The following ING3 variants were observed in gnomAD, a reference collection of about 807,000 sequenced individuals.
The protein encoded by ING3 is inhibitor of growth protein 3.
A neutral mutation model predicts 64.8 loss-of-function variants in ING3; 6 were observed. The observed-to-expected ratio is 0.09, with a 90% CI of 0.05 to 0.18. ING3 has a LOEUF of 0.18. ING3 is among the 10% of genes least tolerant of loss of function. The pLI is 1.00. For missense variants in ING3, 310 were observed against 489.7 expected (o/e 0.63, Z 3.46); for synonymous variants, 170 against 173.7 (o/e 0.98, Z 0.17).
At chr7:120,966,460 C>G (rs143288228) in intron 5 of ING3, among the ~76,000 whole-genome samples, 166 bp from the exon 6 acceptor site, 27 of 152,272 alleles carry the variant, frequency 1.8e-4, no homozygotes, top group African/African-American at 6.3e-4. Flanking sequence ...GTGGGATGGA[C>G]AGTGGTGATC....
At chr7:120,966,515 A>G in intron 5 of ING3, 111 bp from the exon 6 acceptor site, 3 of 827,386 alleles carry the variant, frequency 3.6e-6, no homozygotes, top group South Asian at 2.7e-5. Flanking sequence ...ATGCATCAGA[A>G]CTTGCTAGTC....
At chr7:120,956,197 A>T in intron 4 of ING3, 1 of 1,608,544 alleles carries the variant, frequency 6.2e-7, no homozygotes, top group Non-Finnish European at 8.5e-7. Flanking sequence ...AAGAAGATAG[A>T]TAGAATATTC....
In ING3 at chr7:120,976,709, A is replaced by T. The variant is rs1227652784; in HGVS notation, c.*1865A>T. 1 of 152,226 alleles carries T rather than the reference A, an allele frequency of 6.6e-6. No individual in the cohort carries two copies. Among genetic ancestry groups the T allele is most frequent in the Non-Finnish European group, 1.5e-5 (1 of 68,040 alleles). 9.4% of individuals were successfully genotyped at this position (152,226 alleles called of 1,614,324 possible). On this transcript the variant is annotated 3_prime_UTR_variant, in exon 12 of 12. Coordinates refer to ENST00000315870, the MANE Select transcript of ING3 (RefSeq NM_019071.3). ...AAGCCTTATGTACAGCCTTATTTGA[A>T]GAGAAAGTTCTTTGTCTGAGTCAGG...
chr7:120,968,953 G>A (rs1796032956), intron 8 of ING3, 58 bp from the exon 9 acceptor site: 2 of 1,091,442 alleles, frequency 1.8e-6, no homozygotes, highest in Non-Finnish European at 2.5e-6. Flanking sequence ...TGTAAAACTT[G>A]AAAAAGAAAA....
intron 4 of ING3, among the ~76,000 whole-genome samples, chr7:120,960,712 G>T (rs986082289): frequency 2.0e-5 from 3 of 152,106 alleles, no homozygotes; most frequent in African/African-American, 7.2e-5. Flanking sequence ...TAGGGTTCCG[G>T]TAGAAGAAAC....
intron 3 of ING3, among the ~76,000 whole-genome samples, chr7:120,954,638 C>T (rs1296392689): frequency 6.6e-6 from 1 of 152,162 alleles, no homozygotes; most frequent in Non-Finnish European, 1.5e-5. Context: ...GTTATATCCA[C>T]ATCCCAGAGT....
At chr7:120,952,584 C>T (rs538251911) in intron 2 of ING3, among the ~76,000 whole-genome samples, 2 of 152,026 alleles carry the variant, frequency 1.3e-5, no homozygotes, top group Non-Finnish European at 2.9e-5. Flanking sequence ...GAACTGTGTG[C>T]CAAATAAATT....
In ING3 at chr7:120,950,838, C is replaced by T; in HGVS notation, c.-59C>T. The T allele has an allele frequency of 6.3e-7, 1 of 1,589,212 alleles. No individual in the cohort carries two copies. The highest frequency in any genetic ancestry group is 2.3e-5 in the East Asian group (1 of 44,222). ...ATTGGAGGGGACAAAACTCCGGCGA[C>T]AGCGAGTGACACAAATAAACCCCTG... On this transcript the variant is annotated 5_prime_UTR_variant, in exon 1 of 12. Coordinates refer to ENST00000315870, the MANE Select transcript of ING3 (RefSeq NM_019071.3).
At position 120,970,672 on chromosome 7, in the gene ING3, AT is replaced by A. The variant is rs1562977344; in HGVS notation, c.909-15del. On this transcript the variant is annotated splice_polypyrimidine_tract_variant and intron_variant, in intron 9 of 11. Coordinates refer to ENST00000315870, the MANE Select transcript of ING3 (RefSeq NM_019071.3). The stretch of plus-strand genomic sequence containing the variant: ...TCTGGATGGTGAGCAAATAAAACTT[AT>A]ACTATTTTTTTCAGAAACAACAACA... 5.6e-6 allele frequency: 9 copies of A among 1,612,730 alleles called. No individual in the cohort carries two copies. Among genetic ancestry groups the A allele is most frequent in the Non-Finnish European group, 7.6e-6 (9 of 1,179,108 alleles).
chr7:120,967,487 C>G (rs374216632), intron 6 of ING3, 42 bp from the exon 7 acceptor site: 1 of 1,409,750 alleles, frequency 7.1e-7, no homozygotes, highest in Non-Finnish European at 9.7e-7. Flanking sequence ...GTCCATAGTT[C>G]TCTAAAGTTT....
intron 9 of ING3, among the ~76,000 whole-genome samples, chr7:120,969,947 G>A (rs951133482): frequency 6.6e-6 from 1 of 152,030 alleles, no homozygotes; most frequent in African/African-American, 2.4e-5. Flanking sequence ...CATCTTAATG[G>A]TACAAGTTTA....
chr7:120,966,904 T>C (rs1562976132), intron 6 of ING3, among the ~76,000 whole-genome samples: 2 of 152,162 alleles, frequency 1.3e-5, no homozygotes, highest in Non-Finnish European at 2.9e-5. Flanking sequence ...CTTAAATGCG[T>C]AGAAGGAGAA....
At chr7:120,968,194 A>T (rs1796022125) in intron 8 of ING3, 103 bp downstream of exon 8, 3 of 1,026,466 alleles carry the variant, frequency 2.9e-6, no homozygotes, top group Non-Finnish European at 4.2e-6. Context: ...CTAACGTTGT[A>T]TATTTTCATT....
In ING3 at chr7:120,957,120, C is replaced by A. The variant is rs1297069422; in HGVS notation, c.267+1496C>A. The A allele has an allele frequency of 1.9e-5, 3 of 155,508 alleles. No homozygotes were observed. The Admixed American group carries it at 2.0e-4, about 10-fold the overall frequency. 9.6% of individuals were successfully genotyped at this position (155,508 alleles called of 1,614,324 possible). A position where few individuals can be genotyped will look rare whatever the true frequency, so the allele number is the denominator to read the frequency against. Reference sequence around the variant, plus strand: ...GGCGCAGTGGCTCACGCCTGTAATCCCAGCACTTTGGGAGGCCGAGGAGAG... The same window carrying A: ...GGCGCAGTGGCTCACGCCTGTAATCACAGCACTTTGGGAGGCCGAGGAGAG... On this transcript the variant is annotated intron_variant, in intron 4 of 11. Coordinates refer to ENST00000315870, the MANE Select transcript of ING3 (RefSeq NM_019071.3).
chr7:120,970,924 A>G (rs1394596165), intron 10 of ING3, 44 bp downstream of exon 10: 2 of 1,452,062 alleles, frequency 1.4e-6, no homozygotes, highest in Non-Finnish European at 9.6e-7. Context: ...TGAATAAACT[A>G]GAAGGAAGAG....
At chr7:120,963,978 GA>G (rs1795966810) in intron 4 of ING3, among the ~76,000 whole-genome samples, 1 of 151,862 alleles carries the variant, frequency 6.6e-6, no homozygotes, top group African/African-American at 2.4e-5. Flanking sequence ...TAATGAGTTT[GA>G]AAAAATATTA....
intron 3 of ING3, among the ~76,000 whole-genome samples, chr7:120,954,593 T>TA (rs1193703365): frequency 6.6e-6 from 1 of 152,134 alleles, no homozygotes; most frequent in Non-Finnish European, 1.5e-5. Context: ...GCTTGGAAGA[T>TA]ACCTGGAGGG....
chr7:120,956,217 C>A, intron 4 of ING3: 2 of 1,600,282 alleles, frequency 1.2e-6, no homozygotes, highest in Non-Finnish European at 1.7e-6. Flanking sequence ...CACTATTTCT[C>A]ATATTGATGC....
chr7:120,963,359 ATTG>A (rs1795957496), intron 4 of ING3, among the ~76,000 whole-genome samples: 1 of 151,980 alleles, frequency 6.6e-6, no homozygotes, highest in Admixed American at 6.6e-5. Flanking sequence ...CACCCTAATG[ATTG>A]TTGTTAATAT....
Sources: gnomAD v4.1 joint callset for allele counts (sites outside exome capture counted in the v4.1 genomes callset) on GRCh38, gnomAD v4.1.1 for gene constraint, MANE v1.5 for transcripts, NCBI Gene and HGNC (gene_info 2026-07-23, HGNC 2026-07-21) for gene names.